Variants in COL6A6 observed in about 807,000 individuals in gnomAD.
COL6A6 encodes collagen alpha-6(VI) chain.
In COL6A6, 183 loss-of-function variants were observed where a neutral mutation model predicts 208.6. The ratio of observed to expected loss-of-function variants is 0.88; its 90% CI spans 0.78 to 0.99. The LOEUF is 0.99. Among genes scored for constraint, COL6A6 ranks in the 50% least tolerant of loss-of-function variants. The pLI is 0.00. For missense variants in COL6A6, 2,816 were observed against 2,815.2 expected (o/e 1.00, Z -0.01); for synonymous variants, 973 against 1,011.8 (o/e 0.96, Z 0.73).
chr3:130,522,520 G>T (rs544875702), intron 1 of COL6A6, among the ~76,000 whole-genome samples: 19 of 152,280 alleles, frequency 1.2e-4, no homozygotes, highest in African/African-American at 4.3e-4. Flanking sequence ...CACAGGTTGG[G>T]TCACCATTTA....
intron 30 of COL6A6, 25 bp from the exon 31 acceptor site, chr3:130,642,962 T>C (rs760261027): frequency 1.9e-6 from 3 of 1,613,742 alleles, no homozygotes; most frequent in Admixed American, 1.7e-5. Context: ...TGTTTAATTG[T>C]TTCTGTTTTA....
chr3:130,567,197 T>C lies in COL6A6; in HGVS notation c.1778T>C (p.Val593Ala), dbSNP rs2063048708. The C allele has an allele frequency of 1.9e-6, 3 of 1,613,366 alleles. No individual in the cohort carries two copies. In the East Asian group the frequency reaches 6.7e-5, roughly 36 times the overall value. The change falls in exon 5 of 37, where the codon GTG becomes GCG. Residue 593 changes from valine to alanine, a missense_variant. Coordinates refer to ENST00000358511, the MANE Select transcript of COL6A6 (RefSeq NM_001102608.3). Reference protein sequence around the residue: ...IAGEEKRVYYVHDFDALKDIR... With the variant: ...IAGEEKRVYYAHDFDALKDIR... Reference sequence around the variant, plus strand: ...GGAGAGGAAAAGAGAGTGTATTACGTGCATGACTTTGATGCATTGAAAGAC... The same window carrying C: ...GGAGAGGAAAAGAGAGTGTATTACGCGCATGACTTTGATGCATTGAAAGAC...
Position 130,616,050 on chromosome 3 carries a change from T to C in COL6A6, c.4815+5339T>C, listed in dbSNP as rs565827402. On this transcript the variant is annotated intron_variant, in intron 23 of 36. Coordinates refer to ENST00000358511, the MANE Select transcript of COL6A6 (RefSeq NM_001102608.3). ...GGTTTTCTTGAAATACCTTTGTCAG[T>C]ACAGTGAAAATGCTATTTCAAAGAT... Among the ~76,000 whole-genome samples the C allele has an allele frequency of 3.9e-5, 6 of 152,312 alleles. No individual in the cohort carries two copies. The East Asian group carries it at 1.2e-3, about 29-fold the overall frequency.
chr3:130,541,296 G>A (rs893984322), intron 1 of COL6A6, among the ~76,000 whole-genome samples: 1 of 152,182 alleles, frequency 6.6e-6, no homozygotes, highest in African/African-American at 2.4e-5. Flanking sequence ...ATAAACACTT[G>A]AGTTTCCTCC....
chr3:130,608,908 G>T lies in COL6A6; in HGVS notation c.4696G>T (p.Ala1566Ser), dbSNP rs1039700912. ...TGATTCTTTCTCGCCACAGGGAACA[G>T]CAGGCATCCCAGGACCAGATGGACT... ...RRGHTGPQGT[A>S]GIPGPDGLEG... is the part of the protein sequence containing the mutation. Residue 1566 changes from alanine to serine, a missense_variant, in exon 22 of 37, where the codon GCA becomes TCA. Ala to Ser is a moderately conservative substitution (Grantham distance 99). Transcript: ENST00000358511. 6.2e-7 allele frequency: 1 copy of T among 1,612,160 alleles called. No individual in the cohort carries two copies. The highest frequency in any genetic ancestry group is 1.1e-5 in the South Asian group (1 of 91,018).
intron 34 of COL6A6, 75 bp downstream of exon 34, chr3:130,658,847 G>A (rs1398612527): frequency 7.7e-6 from 8 of 1,033,656 alleles, no homozygotes; most frequent in Admixed American, 5.9e-5. Flanking sequence ...GGGGCAACTG[G>A]AACTTGGCAG....
chr3:130,598,811 A>G (rs947070738), intron 19 of COL6A6, among the ~76,000 whole-genome samples: 3 of 152,228 alleles, frequency 2.0e-5, no homozygotes, highest in Admixed American at 6.5e-5. Context: ...TTAGTAGTAC[A>G]TTATAAAAAG....
intron 20 of COL6A6, among the ~76,000 whole-genome samples, chr3:130,600,171 C>G (rs992677221): frequency 6.6e-6 from 1 of 152,150 alleles, no homozygotes; most frequent in Non-Finnish European, 1.5e-5. Context: ...AATTGTATGA[C>G]TATTAAGAAA....
At position 130,524,346 on chromosome 3, in the gene COL6A6, A is replaced by G. The variant is rs6767281; in HGVS notation, c.-32+6949A>G. Among the ~76,000 whole-genome samples, 1,462 of 152,360 alleles carry G rather than the reference A, an allele frequency of 9.6e-3. 29 individuals are homozygous for G. Among genetic ancestry groups the G allele is most frequent in the African/African-American group, 0.033 (1,377 of 41,574 alleles). On this transcript the variant is annotated intron_variant, in intron 1 of 36. Coordinates refer to ENST00000358511, the MANE Select transcript of COL6A6 (RefSeq NM_001102608.3). ...CGCACTTACCTAATAGTCCATAGCA[A>G]AACAGTTTTCAAGTTCACTGGGCCA...
chr3:130,592,110 C>G (rs2063730774), intron 13 of COL6A6, among the ~76,000 whole-genome samples: 1 of 152,064 alleles, frequency 6.6e-6, no homozygotes, highest in East Asian at 1.9e-4. Context: ...TGGGCAGTCA[C>G]TGAATGGTGG....
In COL6A6 at chr3:130,566,869, T is replaced by G; in HGVS notation, c.1450T>G (p.Trp484Gly). 1 of 1,613,988 alleles carries G rather than the reference T, an allele frequency of 6.2e-7. No homozygotes were observed. Among genetic ancestry groups the G allele is most frequent in the Non-Finnish European group, 8.5e-7 (1 of 1,179,890 alleles). ...RVGAVQYADS[W>G]DLEFEINKYS... ...TGGGGCCGTTCAGTATGCTGACAGC[T>G]GGGACTTGGAATTTGAGATCAATAA... The change falls in exon 5 of 37, where the codon TGG becomes GGG. Residue 484 changes from tryptophan to glycine, a missense_variant. Physicochemically the swap from Trp to Gly is radical, Grantham distance 184 (BLOSUM62 -2). Transcript: ENST00000358511.
At chr3:130,593,380 A>G in intron 17 of COL6A6, 128 bp downstream of exon 17, 2 of 716,432 alleles carry the variant, frequency 2.8e-6, no homozygotes, top group Non-Finnish European at 4.8e-6. Context: ...TCAATCACAT[A>G]CAACGATGAA....
intron 24 of COL6A6, among the ~76,000 whole-genome samples, chr3:130,626,069 T>C (rs1231238194): frequency 1.3e-5 from 2 of 152,170 alleles, no homozygotes; most frequent in Non-Finnish European, 2.9e-5. Flanking sequence ...TAGTCAGAAG[T>C]TAGAAACTAT....
intron 1 of COL6A6, among the ~76,000 whole-genome samples, chr3:130,522,898 G>T (rs919585919): frequency 2.0e-5 from 3 of 149,840 alleles, no homozygotes; most frequent in Non-Finnish European, 4.4e-5. Context: ...CTCAACACCG[G>T]CCTCCTAGTG....
At chr3:130,547,211 A>G (rs920123049) in intron 1 of COL6A6, among the ~76,000 whole-genome samples, 10 of 152,214 alleles carry the variant, frequency 6.6e-5, no homozygotes, top group Non-Finnish European at 1.3e-4. Flanking sequence ...CCCCGCAGGG[A>G]GGTGGCTGAG....
At chr3:130,562,585 C>T (rs2062918219) in intron 2 of COL6A6, among the ~76,000 whole-genome samples, 2 of 151,802 alleles carry the variant, frequency 1.3e-5, no homozygotes, top group Non-Finnish European at 2.9e-5. Context: ...TGTTGTGTTG[C>T]TTAAATGAGA....
intron 33 of COL6A6, among the ~76,000 whole-genome samples, chr3:130,656,894 A>G (rs2065805129): frequency 6.6e-6 from 1 of 152,232 alleles, no homozygotes; most frequent in Non-Finnish European, 1.5e-5. Flanking sequence ...CTCAGCCTCA[A>G]CTTTGCTCCA....
chr3:130,520,304 A>G (rs1577580949), intron 1 of COL6A6, among the ~76,000 whole-genome samples: 1 of 152,344 alleles, frequency 6.6e-6, no homozygotes, highest in South Asian at 2.1e-4. Flanking sequence ...AGTTTTTCAA[A>G]GGAATTTAAA....
intron 24 of COL6A6, among the ~76,000 whole-genome samples, chr3:130,624,032 A>G (rs539003822): frequency 1.9e-4 from 29 of 152,268 alleles, no homozygotes; most frequent in African/African-American, 6.5e-4. Flanking sequence ...GAGGAGAGAA[A>G]GGGAGACAGG....
Sources: gnomAD v4.1 joint callset for allele counts (sites outside exome capture counted in the v4.1 genomes callset) on GRCh38, gnomAD v4.1.1 for gene constraint, MANE v1.5 for transcripts, NCBI Gene and HGNC (gene_info 2026-07-23, HGNC 2026-07-21) for gene names.